Variants in GABRG1 observed in about 807,000 individuals in gnomAD.
GABRG1 encodes the protein gamma-aminobutyric acid receptor subunit gamma-1.
GABRG1 carries 49 observed loss-of-function variants against 49.8 expected under a neutral mutation model. The ratio of observed to expected loss-of-function variants is 0.98; its 90% CI spans 0.78 to 1.25. The LOEUF (loss-of-function observed/expected upper bound fraction) is 1.25, where lower values mean the gene tolerates loss of function less well. GABRG1 is among the 50% of genes most tolerant of loss of function. GABRG1 has a pLI of 0.00. For synonymous variants in GABRG1, 232 were observed against 185.1 expected, an observed-to-expected ratio of 1.25 and a Z score of -2.06; for missense variants, 552 against 552.3, an observed-to-expected ratio of 1.00 and a Z score of 0.01.
chr4:46,094,568 A>C (rs1025198879), intron 2 of GABRG1, among the ~76,000 whole-genome samples: 2 of 152,038 alleles, frequency 1.3e-5, no homozygotes, highest in Admixed American at 1.3e-4. Flanking sequence ...AGTGATGTTC[A>C]AAATAGGTTG....
chr4:46,072,438 C>A (rs866810560), intron 3 of GABRG1, among the ~76,000 whole-genome samples: 1 of 152,040 alleles, frequency 6.6e-6, no homozygotes, highest in African/African-American at 2.4e-5. Context: ...GGATTGAGAA[C>A]GCTTTTATAA....
chr4:46,049,945 C>T (rs1343400108), intron 8 of GABRG1, among the ~76,000 whole-genome samples: 1 of 151,750 alleles, frequency 6.6e-6, no homozygotes, highest in Non-Finnish European at 1.5e-5. Context: ...ATTGCCTGGC[C>T]TCTATATTAG....
chr4:46,078,667 C>G (rs1258654832), intron 3 of GABRG1, among the ~76,000 whole-genome samples: 1 of 151,902 alleles, frequency 6.6e-6, no homozygotes, highest in Non-Finnish European at 1.5e-5. Flanking sequence ...AGTTATATGT[C>G]TTGAGAGTTT....
At chr4:46,056,558 C>T (rs1427954034) in intron 7 of GABRG1, among the ~76,000 whole-genome samples, 6 of 152,094 alleles carry the variant, frequency 3.9e-5, no homozygotes, top group Admixed American at 2.0e-4. Flanking sequence ...TCTTCACAGC[C>T]TTCATGACTC....
At chr4:46,117,763 CATATACAT>C (rs1297951213) in intron 1 of GABRG1, among the ~76,000 whole-genome samples, 4 of 137,478 alleles carry the variant, frequency 2.9e-5, no homozygotes, top group Non-Finnish European at 4.7e-5. Context: ...CATGTATATA[CATATACAT>C]ATATACATAC....
chr4:46,089,440 G>A (rs1410556345), intron 2 of GABRG1, among the ~76,000 whole-genome samples: 6 of 151,984 alleles, frequency 3.9e-5, no homozygotes, highest in Non-Finnish European at 5.9e-5. Context: ...TGTCCCCATC[G>A]CTAGAAACAT....
At chr4:46,052,620 C>A (rs1229838491) in intron 7 of GABRG1, among the ~76,000 whole-genome samples, 1 of 151,860 alleles carries the variant, frequency 6.6e-6, no homozygotes, top group African/African-American at 2.4e-5. Context: ...ATTACAGATG[C>A]ACATGCTAAT....
intron 1 of GABRG1, among the ~76,000 whole-genome samples, chr4:46,117,728 ATATATACATATACACATATACATACATG>A (rs1156662285): frequency 1.3e-4 from 19 of 144,524 alleles, no homozygotes; most frequent in Admixed American, 7.1e-4. Flanking sequence ...ATACATATAC[ATATATACATATACACATATACATACATG>A]TATATACATA....
intron 3 of GABRG1, among the ~76,000 whole-genome samples, chr4:46,076,361 TCATATATATATATATATATATATATA>T (rs1229030910): frequency 9.0e-5 from 7 of 78,148 alleles, no homozygotes; most frequent in East Asian, 7.2e-4. Flanking sequence ...TAGGTCATGT[TCATATATATATATATATATATATATA>T]TATATATATA....
chr4:46,056,639 A>G (rs1451343070), intron 7 of GABRG1, among the ~76,000 whole-genome samples: 1 of 152,132 alleles, frequency 6.6e-6, no homozygotes, highest in East Asian at 1.9e-4. Context: ...TAAACACCAT[A>G]AACACGAAGT....
Position 46,036,784 on chromosome 4 carries a change from C to T in GABRG1, c.*4204G>A, listed in dbSNP as rs1191419225. ...ATCACACACAAATAAGATGAAACTT[C>T]TGCAGAAATTTTAATAATGTATCTT... On this transcript the variant is annotated 3_prime_UTR_variant, in exon 9 of 9. Transcript: ENST00000295452. 6.6e-6 allele frequency: 1 copy of T among 151,996 alleles called. No homozygotes were observed. The highest frequency in any genetic ancestry group is 1.5e-5 in the Non-Finnish European group (1 of 67,934). 9.4% of individuals were successfully genotyped at this position (151,996 alleles called of 1,614,324 possible). A position where few individuals can be genotyped will look rare whatever the true frequency, so the allele number is the denominator to read the frequency against.
chr4:46,094,480 A>T (rs982027584), intron 2 of GABRG1, among the ~76,000 whole-genome samples: 1 of 151,988 alleles, frequency 6.6e-6, no homozygotes, highest in Admixed American at 6.6e-5. Flanking sequence ...CATTAATATG[A>T]AAGTATTTAA....
chr4:46,109,599 G>A (rs1413518830), intron 1 of GABRG1, among the ~76,000 whole-genome samples: 4 of 150,866 alleles, frequency 2.7e-5, no homozygotes, highest in South Asian at 2.1e-4. Context: ...CCCCAGGTGC[G>A]ATGTTACATA....
intron 3 of GABRG1, among the ~76,000 whole-genome samples, chr4:46,066,218 C>G (rs1038238107): frequency 2.0e-5 from 3 of 152,098 alleles, no homozygotes; most frequent in Non-Finnish European, 4.4e-5. Flanking sequence ...TTTATACATA[C>G]AGTTTAAGTC....
At chr4:46,096,615 CTG>C (rs1292337709) in intron 2 of GABRG1, among the ~76,000 whole-genome samples, 2 of 151,522 alleles carry the variant, frequency 1.3e-5, no homozygotes, top group East Asian at 3.9e-4. Context: ...GTTTTGAAGA[CTG>C]TGTTTTCACA....
chr4:46,056,160 A>AAAAAAAAAAAAAAAAAAAAAAAAAG (rs1718434211), intron 7 of GABRG1, among the ~76,000 whole-genome samples: 1 of 32,312 alleles, frequency 3.1e-5, no homozygotes, highest in Non-Finnish European at 5.5e-5. Context: ...TTAAAAAAAA[A>AAAAAAAAAAAAAAAAAAAAAAAAAG]AAAAAAAAAA....
intron 7 of GABRG1, among the ~76,000 whole-genome samples, chr4:46,056,250 A>C (rs1366663663): frequency 6.6e-6 from 1 of 151,616 alleles, no homozygotes; most frequent in Non-Finnish European, 1.5e-5. Flanking sequence ...ACCTGATCTA[A>C]CTATTGGCCC....
chr4:46,095,597 A>T (rs1027313523), intron 2 of GABRG1, among the ~76,000 whole-genome samples: 1 of 151,848 alleles, frequency 6.6e-6, no homozygotes, highest in Non-Finnish European at 1.5e-5. Context: ...CTTTTCAAAA[A>T]TAACACACAA....
In GABRG1 at chr4:46,040,911, A is replaced by AGTG. The variant is rs1241210388; in HGVS notation, c.*76_*77insCAC. On this transcript the variant is annotated 3_prime_UTR_variant, in exon 9 of 9. Coordinates refer to ENST00000295452, the MANE Select transcript of GABRG1 (RefSeq NM_173536.4). ...TGGTCTCTCTGCATTTTAAATTTAA[A>AGTG]CTTCAAGTTACTGAAGCACAAAAGA... The AGTG allele has an allele frequency of 6.4e-6, 9 of 1,407,168 alleles. No individual in the cohort carries two copies. In the East Asian group the frequency reaches 1.8e-4, roughly 29 times the overall value. 87.2% of individuals were successfully genotyped at this position (1,407,168 alleles called of 1,614,324 possible).
Sources: gnomAD v4.1 joint callset for allele counts (sites outside exome capture counted in the v4.1 genomes callset) on GRCh38, gnomAD v4.1.1 for gene constraint, MANE v1.5 for transcripts, NCBI Gene and HGNC (gene_info 2026-07-23, HGNC 2026-07-21) for gene names.